The following LTBP2 variants were observed in gnomAD, a reference collection of about 807,000 sequenced individuals.
LTBP2 encodes the protein latent transforming growth factor beta binding protein 2, also known as latent-transforming growth factor beta-binding protein 2.
In LTBP2, 103 loss-of-function variants were observed where a neutral mutation model predicts 210.6. That is an observed-to-expected ratio of 0.49 (90% CI 0.42 to 0.58). The LOEUF is 0.58. Among genes scored for constraint, LTBP2 ranks in the 20% least tolerant of loss-of-function variants. The probability of loss-of-function intolerance (pLI) is 0.00; values close to 1 mark genes in which losing one functional copy is unlikely to be tolerated. For synonymous variants in LTBP2, 1,007 were observed against 1,015.0 expected, an observed-to-expected ratio of 0.99 and a Z score of 0.15; for missense variants, 2,313 against 2,494.5, an observed-to-expected ratio of 0.93 and a Z score of 1.55.
In LTBP2 at chr14:74,501,512, C is replaced by T. The variant is rs755989532; in HGVS notation, c.5249G>A (p.Arg1750His). 30 of 1,614,176 alleles carry T rather than the reference C, an allele frequency of 1.9e-5. No individual in the cohort carries two copies. In the South Asian group the frequency reaches 2.4e-4, roughly 13 times the overall value. Reference sequence around the variant, plus strand: ...GTCACAGGTGTAGCCCTCCCGCACGCGCACACAGCGGCCATTCTCACAGCC... The same window carrying T: ...GTCACAGGTGTAGCCCTCCCGCACGTGCACACAGCGGCCATTCTCACAGCC... ...LNGCENGRCV[R>H]VREGYTCDCF... Residue 1750 changes from arginine to histidine, a missense_variant, in exon 35 of 36, where the codon CGC becomes CAC. By Grantham distance (29) the Arg-to-His change is conservative. Transcript: ENST00000261978.
intron 3 of LTBP2, among the ~76,000 whole-genome samples, chr14:74,564,003 G>T (rs1306238652): frequency 9.1e-6 from 1 of 110,084 alleles, no homozygotes; most frequent in African/African-American, 3.6e-5. Context: ...GGAAGTGGGT[G>T]GGTAGGGAAT....
chr14:74,571,035 TAA>T (rs372564901), intron 3 of LTBP2, among the ~76,000 whole-genome samples: 17 of 140,314 alleles, frequency 1.2e-4, no homozygotes, highest in Admixed American at 2.8e-4. Flanking sequence ...TTCTTTATAT[TAA>T]AAAAAAAAAA....
chr14:74,603,476 C>T (rs940641049), intron 2 of LTBP2, among the ~76,000 whole-genome samples, 159 bp downstream of exon 2: 5 of 152,208 alleles, frequency 3.3e-5, no homozygotes, highest in East Asian at 1.9e-4. Flanking sequence ...ATGTTGCCTC[C>T]ACTTTAAATA....
intron 14 of LTBP2, among the ~76,000 whole-genome samples, chr14:74,525,587 C>T (rs966051322): frequency 2.0e-5 from 3 of 152,220 alleles, no homozygotes; most frequent in African/African-American, 4.8e-5. Flanking sequence ...GCTTACAGAG[C>T]TCTGCCACAA....
Position 74,508,955 on chromosome 14 carries a change from G to A in LTBP2, c.3404-3C>T, listed in dbSNP as rs774666316. ...GGGGTCTTCACATTCATCCACATCT[G>A]CAGGGCCACACAGGGGAGGAAGACA... On this transcript the variant is annotated splice_region_variant and splice_polypyrimidine_tract_variant and intron_variant, in intron 22 of 35. Transcript: ENST00000261978. 1.9e-6 allele frequency: 3 copies of A among 1,613,328 alleles called. No individual in the cohort carries two copies. Among genetic ancestry groups the A allele is most frequent in the Non-Finnish European group, 2.5e-6 (3 of 1,179,910 alleles).
chr14:74,584,943 C>T (rs2139786897), intron 3 of LTBP2, among the ~76,000 whole-genome samples: 1 of 152,296 alleles, frequency 6.6e-6, no homozygotes, highest in South Asian at 2.1e-4. Context: ...TTCTCCTGGG[C>T]TCTGAAAGAG....
Position 74,526,148 on chromosome 14 carries a change from C to A in LTBP2, c.2389-34G>T, listed in dbSNP as rs912214704. On this transcript the variant is annotated intron_variant, in intron 13 of 35. Transcript: ENST00000261978. ...AAACAGGAGAAGGTCACTTTTGGCT[C>A]CTCTGCCGTACCTGTGATGTGCCAC... is the stretch of plus-strand genomic sequence containing the variant. 5.1e-6 allele frequency: 8 copies of A among 1,578,950 alleles called. No homozygotes were observed. The African/African-American group carries it at 1.1e-4, about 21-fold the overall frequency.
intron 8 of LTBP2, among the ~76,000 whole-genome samples, chr14:74,540,503 C>T (rs569435816): frequency 2.0e-5 from 3 of 151,140 alleles, no homozygotes; most frequent in Middle Eastern, 3.5e-3. Context: ...CAGTGGCTCA[C>T]GCCTGTAATC....
intron 19 of LTBP2, 33 bp from the exon 20 acceptor site, chr14:74,510,246 C>A: frequency 6.2e-7 from 1 of 1,610,704 alleles, no homozygotes; most frequent in Non-Finnish European, 8.5e-7. Flanking sequence ...GGTGGGCTGG[C>A]CTCCTCCCCA....
intron 34 of LTBP2, 29 bp downstream of exon 34, chr14:74,502,624 C>G (rs1386325942): frequency 6.2e-7 from 1 of 1,613,990 alleles, no homozygotes; most frequent in African/African-American, 1.3e-5. Context: ...TGGTGCCCAC[C>G]TCTTCCCCAG....
chr14:74,529,560 C>T (rs2087324624), intron 10 of LTBP2, among the ~76,000 whole-genome samples: 1 of 152,102 alleles, frequency 6.6e-6, no homozygotes, highest in South Asian at 2.1e-4. Context: ...AGGACAGGGA[C>T]CCTATCTTGG....
intron 8 of LTBP2, among the ~76,000 whole-genome samples, chr14:74,547,416 C>T (rs2087591547): frequency 6.6e-6 from 1 of 152,156 alleles, no homozygotes; most frequent in South Asian, 2.1e-4. Flanking sequence ...GCATAGACCT[C>T]AGCTGGGAGG....
In LTBP2 at chr14:74,526,102, C is replaced by A. The variant is rs754533362; in HGVS notation, c.2401G>T (p.Val801Phe). The change falls in exon 14 of 36, where the codon GTC becomes TTC. Residue 801 changes from valine to phenylalanine, a missense_variant. Val to Phe is a conservative substitution (Grantham distance 50). Coordinates refer to ENST00000261978, the MANE Select transcript of LTBP2 (RefSeq NM_000428.3). ...GTGACCCAGGCAGGTGCATGAGTGA[C>A]ACTGGTCGTGACCTGCACAGAAACA... ...DSQAGQVTTSVTHAPAWVTGN... is the reference protein window; with the variant it reads ...DSQAGQVTTSFTHAPAWVTGN... 1 of 1,604,070 alleles carries A rather than the reference C, an allele frequency of 6.2e-7. No homozygotes were observed. The highest frequency in any genetic ancestry group is 8.5e-7 in the Non-Finnish European group (1 of 1,174,820).
chr14:74,543,377 CAAAAAAAAA>C (rs71119305), intron 8 of LTBP2, among the ~76,000 whole-genome samples: 10 of 96,630 alleles, frequency 1.0e-4, no homozygotes, highest in African/African-American at 2.0e-4. Flanking sequence ...GACTCCGTCT[CAAAAAAAAA>C]AAAAAAAAAA....
intron 8 of LTBP2, among the ~76,000 whole-genome samples, chr14:74,543,306 A>T (rs1470090701): frequency 7.2e-6 from 1 of 139,484 alleles, no homozygotes; most frequent in Non-Finnish European, 1.5e-5. Flanking sequence ...TGAACCCAGG[A>T]GGCAGAGCTT....
At chr14:74,524,875 TCCCTTCTCTTCC>T (rs1229426797) in intron 15 of LTBP2, among the ~76,000 whole-genome samples, 1 of 152,192 alleles carries the variant, frequency 6.6e-6, no homozygotes, top group Non-Finnish European at 1.5e-5. Flanking sequence ...TCCCATGGTG[TCCCTTCTCTTCC>T]CCCTTCTGGG....
At chr14:74,591,084 T>C (rs1188282926) in intron 2 of LTBP2, among the ~76,000 whole-genome samples, 2 of 152,186 alleles carry the variant, frequency 1.3e-5, no homozygotes, top group Non-Finnish European at 2.9e-5. Flanking sequence ...ACACCACGAC[T>C]CACTTAGCTC....
Position 74,611,556 on chromosome 14 carries a change from T to G in LTBP2, c.389A>C (p.Gln130Pro), listed in dbSNP as rs2139815506. Reference protein sequence around the residue: ...QTRRSTPLGQQQPAPRTRAAP... With the variant: ...QTRRSTPLGQPQPAPRTRAAP... ...GGCCCGGGTCCGGGGTGCTGGTTGC[T>G]GCTGGCCCAGGGGAGTGCTTCTCCG... Residue 130 changes from glutamine to proline, a missense_variant, in exon 1 of 36, where the codon CAG becomes CCG. Physicochemically the swap from Gln to Pro is moderately conservative, Grantham distance 76. Transcript: ENST00000261978. The G allele has an allele frequency of 6.4e-7, 1 of 1,574,466 alleles. No homozygotes were observed. Among genetic ancestry groups the G allele is most frequent in the Non-Finnish European group, 8.6e-7 (1 of 1,167,146 alleles).
rs535411261 is a variant in LTBP2 at position 74,525,191 on chromosome 14, C to A, written c.2463G>T (p.Gly821=). 9 of 1,331,946 alleles carry A rather than the reference C, an allele frequency of 6.8e-6. No individual in the cohort carries two copies. In the African/African-American group the frequency reaches 7.5e-5, roughly 11 times the overall value. The allele number at this position is 1,331,946 out of a possible 1,614,324, so 82.5% of individuals were successfully genotyped here. The change falls in exon 15 of 36, where the codon GGG becomes GGT. Residue 821 remains glycine (G), a synonymous_variant. Coordinates refer to ENST00000261978, the MANE Select transcript of LTBP2 (RefSeq NM_000428.3). ...NATTPPMPEQ[G]IAEIQEEQVT... ...CTTGTTCTTCCTGTATCTCTGCAAT[C>A]CCCTGTTCAGGCATTGGTGGGGTTG...
Sources: allele counts gnomAD v4.1 joint callset (sites outside exome capture counted in the v4.1 genomes callset), GRCh38; gene constraint gnomAD v4.1.1; transcripts MANE v1.5; gene names NCBI Gene and HGNC (gene_info 2026-07-23, HGNC 2026-07-21).